Variants in GABRG3 observed in about 807,000 individuals in gnomAD.
GABRG3 encodes the protein gamma-aminobutyric acid receptor subunit gamma-3.
Under a neutral mutation model 48.8 loss-of-function variants are expected in GABRG3, and 25 were observed. The ratio of observed to expected loss-of-function variants is 0.51; its 90% CI spans 0.37 to 0.72. GABRG3 has a LOEUF of 0.72. GABRG3 is among the 30% of genes least tolerant of loss of function. GABRG3 has a pLI of 0.00. For synonymous variants in GABRG3, 227 were observed against 217.6 expected, an observed-to-expected ratio of 1.04 and a Z score of -0.38; for missense variants, 394 against 577.9, an observed-to-expected ratio of 0.68 and a Z score of 3.26.
intron 5 of GABRG3, among the ~76,000 whole-genome samples, chr15:27,424,473 T>C (rs1448569783): frequency 6.6e-6 from 1 of 151,944 alleles, no homozygotes; most frequent in Non-Finnish European, 1.5e-5. Context: ...GACAGCTCCC[T>C]TGTACCTCTT....
intron 9 of GABRG3, chr15:27,530,870 G>A (rs41303761): frequency 4.0e-5 from 14 of 348,616 alleles, no homozygotes; most frequent in African/African-American, 1.5e-4. Flanking sequence ...CAAAGCACAC[G>A]TGTAGGAAAC....
At chr15:27,158,595 G>A (rs1194217177) in intron 3 of GABRG3, among the ~76,000 whole-genome samples, 2 of 152,150 alleles carry the variant, frequency 1.3e-5, no homozygotes, top group African/African-American at 4.8e-5. Context: ...ATTTCTATCT[G>A]AGAGAGACAA....
At chr15:27,314,720 C>A (rs956789434) in intron 3 of GABRG3, among the ~76,000 whole-genome samples, 4 of 152,120 alleles carry the variant, frequency 2.6e-5, no homozygotes, top group African/African-American at 9.7e-5. Flanking sequence ...AATTATTTAA[C>A]CTTTAAAAAA....
intron 3 of GABRG3, among the ~76,000 whole-genome samples, chr15:27,291,259 G>A (rs1024680961): frequency 6.6e-6 from 1 of 152,224 alleles, no homozygotes; most frequent in East Asian, 1.9e-4. Flanking sequence ...ACTTATGAAA[G>A]TAGATCAATG....
intron 3 of GABRG3, among the ~76,000 whole-genome samples, chr15:27,318,395 G>A (rs548340086): frequency 6.6e-6 from 1 of 152,160 alleles, no homozygotes; most frequent in African/African-American, 2.4e-5. Flanking sequence ...CCCTCAGATG[G>A]GACTTGCACC....
intron 5 of GABRG3, among the ~76,000 whole-genome samples, chr15:27,378,134 A>G (rs558428192): frequency 6.6e-6 from 1 of 152,258 alleles, no homozygotes; most frequent in South Asian, 2.1e-4. Flanking sequence ...ATTTTAGCTG[A>G]TGTCATGATT....
At chr15:27,469,170 A>G (rs778280765) in intron 5 of GABRG3, among the ~76,000 whole-genome samples, 2 of 152,034 alleles carry the variant, frequency 1.3e-5, no homozygotes, top group Non-Finnish European at 2.9e-5. Flanking sequence ...CTGTTAATCC[A>G]ATGTCATAAT....
intron 3 of GABRG3, among the ~76,000 whole-genome samples, chr15:27,200,237 C>A (rs534993003): frequency 1.3e-5 from 2 of 152,326 alleles, no homozygotes; most frequent in African/African-American, 2.4e-5. Context: ...CAGCTGTTGA[C>A]CTGTTAACTT....
chr15:27,482,843 G>C (rs993273823), intron 6 of GABRG3, among the ~76,000 whole-genome samples: 1 of 152,120 alleles, frequency 6.6e-6, no homozygotes, highest in Non-Finnish European at 1.5e-5. Flanking sequence ...GTGCATTGCC[G>C]AGTCCAGGCC....
chr15:27,527,314 A>G (rs1215403849), intron 7 of GABRG3, 119 bp from the exon 8 acceptor site: 3 of 738,474 alleles, frequency 4.1e-6, no homozygotes, highest in Admixed American at 2.6e-5. Flanking sequence ...TACATGAGGT[A>G]TGCAGCATCA....
chr15:27,478,395 A>C (rs921007876), intron 5 of GABRG3, among the ~76,000 whole-genome samples: 1 of 152,250 alleles, frequency 6.6e-6, no homozygotes, highest in Non-Finnish European at 1.5e-5. Flanking sequence ...CAACAAAAGC[A>C]TGAGAATATG....
In GABRG3 at chr15:27,457,004, C is replaced by T. The variant is rs1195720118; in HGVS notation, c.575-23646C>T. Among the ~76,000 whole-genome samples the T allele has an allele frequency of 1.3e-5, 2 of 152,204 alleles. No individual in the cohort carries two copies. Among genetic ancestry groups the T allele is most frequent in the Non-Finnish European group, 2.9e-5 (2 of 68,034 alleles). ...GAGCTCCCCACTTTCCCGAGCTCCA[C>T]CTACCACGCCGACCTCAGAAGGACC... is the stretch of plus-strand genomic sequence containing the variant. On this transcript the variant is annotated intron_variant, in intron 5 of 9. Transcript: ENST00000615808. The surrounding 1 kb of genome is among the most constrained non-coding windows in gnomAD (Gnocchi z 4.4).
chr15:27,451,482 A>C (rs576846830), intron 5 of GABRG3, among the ~76,000 whole-genome samples: 1 of 152,288 alleles, frequency 6.6e-6, no homozygotes, highest in African/African-American at 2.4e-5. Flanking sequence ...AACTGTATAG[A>C]CATATGCAAA....
At chr15:27,148,285 A>G (rs1366376684) in intron 3 of GABRG3, among the ~76,000 whole-genome samples, 1 of 152,028 alleles carries the variant, frequency 6.6e-6, no homozygotes, top group Non-Finnish European at 1.5e-5. Context: ...ACAAACTACC[A>G]AAACTGAATC....
chr15:27,063,004 G>A (rs777747736), intron 3 of GABRG3, among the ~76,000 whole-genome samples: 1 of 152,170 alleles, frequency 6.6e-6, no homozygotes, highest in African/African-American at 2.4e-5. Context: ...GTTCAATGTC[G>A]TGAGACGGCA....
At chr15:27,001,149 C>T (rs1895439475) in intron 2 of GABRG3, among the ~76,000 whole-genome samples, 2 of 152,222 alleles carry the variant, frequency 1.3e-5, no homozygotes, top group African/African-American at 2.4e-5. Context: ...CCTCAGTGAC[C>T]ACCGTCCTTC....
At chr15:27,083,242 A>AT (rs1396967168) in intron 3 of GABRG3, among the ~76,000 whole-genome samples, 1 of 151,986 alleles carries the variant, frequency 6.6e-6, no homozygotes, top group Non-Finnish European at 1.5e-5. Context: ...GGCTAAGATC[A>AT]TTTTTTTCCT....
chr15:27,401,528 T>A (rs952822115), intron 5 of GABRG3, among the ~76,000 whole-genome samples: 1 of 152,246 alleles, frequency 6.6e-6, no homozygotes, highest in Non-Finnish European at 1.5e-5. Context: ...AGTTTACAGA[T>A]AATTATGTAG....
intron 3 of GABRG3, among the ~76,000 whole-genome samples, chr15:27,209,712 A>T (rs1307316644): frequency 1.3e-5 from 2 of 152,108 alleles, no homozygotes; most frequent in Non-Finnish European, 2.9e-5. Flanking sequence ...TAGGAAGGGG[A>T]ATTTGCTGGT....
Sources: allele counts gnomAD v4.1 joint callset (sites outside exome capture counted in the v4.1 genomes callset), GRCh38; gene constraint gnomAD v4.1.1; non-coding constraint Gnocchi (gnomAD v3.1); transcripts MANE v1.5; gene names NCBI Gene and HGNC (gene_info 2026-07-23, HGNC 2026-07-21).